The following ASIC2 variants were observed in gnomAD, a reference collection of about 807,000 sequenced individuals.
ASIC2 encodes acid sensing ion channel subunit 2, also known as acid-sensing ion channel 2.
ASIC2 carries 25 observed loss-of-function variants against 57.3 expected under a neutral mutation model. The ratio of observed to expected loss-of-function variants is 0.44; its 90% confidence interval spans 0.32 to 0.61. ASIC2 has a LOEUF of 0.61. ASIC2 is among the 20% of genes least tolerant of loss of function. The pLI is 0.06. For synonymous variants in ASIC2, 319 were observed against 307.5 expected, an observed-to-expected ratio of 1.04 and a Z score of -0.39; for missense variants, 641 against 738.1, an observed-to-expected ratio of 0.87 and a Z score of 1.52.
At chr17:33,787,394 T>C (rs569602940) in intron 1 of ASIC2, among the ~76,000 whole-genome samples, 7 of 152,348 alleles carry the variant, frequency 4.6e-5, no homozygotes, top group African/African-American at 4.8e-5. Flanking sequence ...GAAGATGGAA[T>C]ATCTAGTGTT....
chr17:33,358,421 T>A (rs1489311997), intron 1 of ASIC2, among the ~76,000 whole-genome samples: 1 of 152,196 alleles, frequency 6.6e-6, no homozygotes, highest in African/African-American at 2.4e-5. Flanking sequence ...CATCATGACC[T>A]ATGGATTTAG....
At chr17:33,160,502 C>T (rs1905133302) in intron 1 of ASIC2, among the ~76,000 whole-genome samples, 1 of 152,196 alleles carries the variant, frequency 6.6e-6, no homozygotes. Context: ...CATTGGTGCT[C>T]CACTGTGTAG....
chr17:33,103,916 T>C (rs957431165), intron 2 of ASIC2, among the ~76,000 whole-genome samples: 1 of 152,170 alleles, frequency 6.6e-6, no homozygotes, highest in South Asian at 2.1e-4. Context: ...ATAGTTCCTT[T>C]TGTAGACTTT....
At chr17:33,212,246 G>A (rs1214939461) in intron 1 of ASIC2, among the ~76,000 whole-genome samples, 1 of 152,186 alleles carries the variant, frequency 6.6e-6, no homozygotes, top group Non-Finnish European at 1.5e-5. Context: ...CTTGAGATAA[G>A]AAGATTATCC....
At chr17:33,719,116 T>A (rs1210267598) in intron 1 of ASIC2, among the ~76,000 whole-genome samples, 1 of 152,114 alleles carries the variant, frequency 6.6e-6, no homozygotes, top group African/African-American at 2.4e-5. Flanking sequence ...GAGGAGCCCT[T>A]AATTTTCACA....
chr17:33,371,974 G>T (rs72625909), intron 1 of ASIC2, among the ~76,000 whole-genome samples: 27,776 of 152,026 alleles, frequency 0.18, 3,381 homozygotes, highest in East Asian at 0.67. Flanking sequence ...AGGTGGAGGT[G>T]AGCTGGGGAG....
chr17:33,587,372 G>C lies in ASIC2; in HGVS notation c.556-475305C>G, dbSNP rs1474456558. Among the ~76,000 whole-genome samples, 4 of 152,300 alleles carry C rather than the reference G, an allele frequency of 2.6e-5. 1 individual carries two copies. In the Middle Eastern group the frequency reaches 0.01, roughly 389 times the overall value. On this transcript the variant is annotated intron_variant, in intron 1 of 9. Transcript: ENST00000359872. ...TTCAGTGGCTCAGTGATGTCATTCA[G>C]AACTCACAGTCCTGCTATTTTGTGC...
At chr17:33,652,079 T>C (rs963839451) in intron 1 of ASIC2, among the ~76,000 whole-genome samples, 2 of 152,178 alleles carry the variant, frequency 1.3e-5, no homozygotes, top group Non-Finnish European at 2.9e-5. Flanking sequence ...GCTGCCAAAA[T>C]TCCTCTTCCC....
intron 1 of ASIC2, among the ~76,000 whole-genome samples, chr17:33,973,713 G>A (rs1426901993): frequency 6.6e-6 from 1 of 152,134 alleles, no homozygotes; most frequent in Non-Finnish European, 1.5e-5. Context: ...TGGGACATAA[G>A]CCACAGCCCA....
chr17:33,685,692 C>T (rs994337666), intron 1 of ASIC2, among the ~76,000 whole-genome samples: 2 of 152,082 alleles, frequency 1.3e-5, no homozygotes, highest in South Asian at 4.1e-4. Flanking sequence ...GTTTGTTGCT[C>T]CTTGGTTTTA....
intron 1 of ASIC2, among the ~76,000 whole-genome samples, chr17:34,067,290 A>C (rs745715066): frequency 5.3e-4 from 81 of 152,348 alleles, no homozygotes; most frequent in Non-Finnish European, 1.0e-3. Flanking sequence ...TATGGACTTC[A>C]GATGAAAGAA....
At chr17:33,566,226 A>C (rs1245629381) in intron 1 of ASIC2, among the ~76,000 whole-genome samples, 1 of 152,190 alleles carries the variant, frequency 6.6e-6, no homozygotes, top group East Asian at 1.9e-4. Context: ...GGAATACTTG[A>C]GATAATTGCA....
chr17:33,358,960 TGGA>T (rs1213412353), intron 1 of ASIC2, among the ~76,000 whole-genome samples: 1 of 152,228 alleles, frequency 6.6e-6, no homozygotes, highest in Admixed American at 6.5e-5. Context: ...ATAAATCATG[TGGA>T]GAACTTTTAG....
At chr17:33,673,760 A>G (rs549299604) in intron 1 of ASIC2, among the ~76,000 whole-genome samples, 72 of 152,320 alleles carry the variant, frequency 4.7e-4, no homozygotes, top group Non-Finnish European at 8.1e-4. Context: ...GCATACTTCA[A>G]TATCCAAAGA....
chr17:33,881,595 C>A lies in ASIC2; in HGVS notation c.555+274383G>T, dbSNP rs1361053289. Among the ~76,000 whole-genome samples the A allele has an allele frequency of 2.6e-5, 4 of 152,226 alleles. No homozygotes were observed. The East Asian group carries it at 7.7e-4, about 29-fold the overall frequency. Reference sequence around the variant, plus strand: ...CTTCAAGGAGAACTACAAACCACTGCTCAATGAAATAAAAGAGGATACAAA... The same window carrying A: ...CTTCAAGGAGAACTACAAACCACTGATCAATGAAATAAAAGAGGATACAAA... On this transcript the variant is annotated intron_variant, in intron 1 of 9. Transcript: ENST00000359872.
At chr17:33,415,711 G>GGAGA (rs147198573) in intron 1 of ASIC2, among the ~76,000 whole-genome samples, 1 of 151,446 alleles carries the variant, frequency 6.6e-6, no homozygotes, top group East Asian at 1.9e-4. Context: ...GAGCTGGAGG[G>GGAGA]GAGAGAGAGA....
intron 1 of ASIC2, among the ~76,000 whole-genome samples, chr17:33,487,581 T>C (rs1017868344): frequency 1.3e-5 from 2 of 152,212 alleles, no homozygotes; most frequent in African/African-American, 4.8e-5. Context: ...GTCAACTTGA[T>C]TGGATTGAAG....
chr17:33,634,314 A>G (rs1041637435), intron 1 of ASIC2, among the ~76,000 whole-genome samples: 2 of 151,784 alleles, frequency 1.3e-5, no homozygotes, highest in African/African-American at 4.8e-5. Flanking sequence ...TTCTGATCCC[A>G]TCCTCTCCTA....
In ASIC2 at chr17:33,712,802, C is replaced by A. The variant is rs564336351; in HGVS notation, c.555+443176G>T. Among the ~76,000 whole-genome samples the A allele has an allele frequency of 3.2e-3, 484 of 151,312 alleles. 2 individuals are homozygous for A. Among genetic ancestry groups the A allele is most frequent in the African/African-American group, 0.011 (471 of 41,148 alleles). ...CTGGGACTACAGGCGCCCGCCACTACGCCCGGCTAATTTTTTGTATTTTTA... is the reference window on the plus strand; with the variant it reads ...CTGGGACTACAGGCGCCCGCCACTAAGCCCGGCTAATTTTTTGTATTTTTA... On this transcript the variant is annotated intron_variant, in intron 1 of 9. Transcript: ENST00000359872.
Sources: gnomAD v4.1 joint callset for allele counts (sites outside exome capture counted in the v4.1 genomes callset) on GRCh38, gnomAD v4.1.1 for gene constraint, MANE v1.5 for transcripts, NCBI Gene and HGNC (gene_info 2026-07-23, HGNC 2026-07-21) for gene names.